The following GLRX5 variants were observed in gnomAD, a reference collection of about 807,000 sequenced individuals.
GLRX5 encodes glutaredoxin-related protein 5, mitochondrial.
GLRX5 carries 10 observed loss-of-function variants against 13.8 expected under a neutral mutation model. The observed-to-expected ratio is 0.72, with a 90% CI of 0.45 to 1.23. GLRX5 has a LOEUF of 1.23. Among genes scored for constraint, GLRX5 ranks in the 50% most tolerant of loss-of-function variants. The pLI is 0.00. For missense variants in GLRX5, 233 were observed against 215.2 expected, an observed-to-expected ratio of 1.08 and a Z score of -0.52; for synonymous variants, 98 against 101.1, an observed-to-expected ratio of 0.97 and a Z score of 0.18.
At chr14:95,540,334 ACTGTAC>A (rs1351198731) in intron 1 of GLRX5, among the ~76,000 whole-genome samples, 1 of 152,186 alleles carries the variant, frequency 6.6e-6, no homozygotes, top group African/African-American at 2.4e-5. Context: ...GAATGTCCAC[ACTGTAC>A]CTGGTACTAT....
intron 1 of GLRX5, among the ~76,000 whole-genome samples, chr14:95,542,146 G>C (rs1891484065): frequency 6.6e-6 from 1 of 152,232 alleles, no homozygotes; most frequent in African/African-American, 2.4e-5. Flanking sequence ...TTTGAGGACA[G>C]AGTTTGAAGA....
At position 95,535,293 on chromosome 14, in the gene GLRX5, C is replaced by A; in HGVS notation, c.204C>A (p.Gly68=). 6.4e-7 allele frequency: 1 copy of A among 1,564,932 alleles called. No homozygotes were observed. Among genetic ancestry groups the A allele is most frequent in the Non-Finnish European group, 8.7e-7 (1 of 1,155,546 alleles). Residue 68 remains glycine, a synonymous_variant, in exon 1 of 2, where the codon GGC becomes GGA. Transcript: ENST00000331334. ...GGACGCCGGAGCAGCCCCAGTGCGG[C>A]TTCAGCAACGCCGTGGTGCAGATCC... The part of the protein sequence containing the change: ...LKGTPEQPQC[G]FSNAVVQILR...
intron 1 of GLRX5, among the ~76,000 whole-genome samples, chr14:95,538,649 C>T (rs1419824980): frequency 6.6e-6 from 1 of 152,108 alleles, no homozygotes; most frequent in African/African-American, 2.4e-5. Flanking sequence ...GACCCAGCTG[C>T]GTGACTCCTA....
Position 95,535,213 on chromosome 14 carries a change from G to A in GLRX5, c.124G>A (p.Ala42Thr), listed in dbSNP as rs1233807867. Residue 42 changes from alanine to threonine, a missense_variant, in exon 1 of 2, where the codon GCG becomes ACG. Ala to Thr is a moderately conservative substitution (Grantham distance 58, BLOSUM62 0). Transcript: ENST00000331334. ...CTCGGGCGCGGGCGGCGGCGGCTCGGCGGAGCAGTTGGACGCGCTGGTGAA... is the reference window on the plus strand; with the variant it reads ...CTCGGGCGCGGGCGGCGGCGGCTCGACGGAGCAGTTGGACGCGCTGGTGAA... ...AGSGAGGGGS[A>T]EQLDALVKKD... 1 of 1,531,638 alleles carries A rather than the reference G, an allele frequency of 6.5e-7. No homozygotes were observed. The highest frequency in any genetic ancestry group is 1.2e-5 in the South Asian group (1 of 82,258). 94.9% of individuals were successfully genotyped at this position (1,531,638 alleles called of 1,614,324 possible). A position where few individuals can be genotyped will look rare whatever the true frequency, so the allele number is the denominator to read the frequency against.
chr14:95,543,261 A>C, intron 1 of GLRX5: 1 of 450,678 alleles, frequency 2.2e-6, no homozygotes, highest in South Asian at 1.6e-5. Context: ...AGCCCATCAC[A>C]GTGGCTGGAT....
intron 1 of GLRX5, chr14:95,543,733 T>C (rs35968066): frequency 0.025 from 14,201 of 574,196 alleles, 218 homozygotes; most frequent in South Asian, 0.039. Context: ...GTCTGAGGGC[T>C]GACGGTTTGT....
intron 1 of GLRX5, among the ~76,000 whole-genome samples, chr14:95,536,876 G>A (rs1415297005): frequency 1.3e-5 from 2 of 152,150 alleles, no homozygotes; most frequent in Non-Finnish European, 1.5e-5. Flanking sequence ...CGAGAGGGCA[G>A]GTTCAAATTA....
chr14:95,535,527 C>T (rs1891356680), intron 1 of GLRX5, 143 bp downstream of exon 1: 3 of 756,478 alleles, frequency 4.0e-6, no homozygotes, highest in Admixed American at 2.4e-5. Flanking sequence ...CGGGTTAGGG[C>T]GAGGAGTACT....
At position 95,544,314 on chromosome 14, in the gene GLRX5, A is replaced by C. The variant is rs760117003; in HGVS notation, c.*189A>C. On this transcript the variant is annotated 3_prime_UTR_variant, in exon 2 of 2. Transcript: ENST00000331334. ...GCTAAGAATATTTTATTGTGGACTT[A>C]ATTACAACCACTGCACTGTAATGAT... The C allele has an allele frequency of 9.1e-5, 57 of 628,866 alleles. No homozygotes were observed. The highest frequency in any genetic ancestry group is 1.5e-4 in the Non-Finnish European group (54 of 348,934). The allele number at this position is 628,866 out of a possible 1,614,324, so 39.0% of individuals were successfully genotyped here.
chr14:95,541,354 A>G (rs916544950), intron 1 of GLRX5, among the ~76,000 whole-genome samples: 1 of 152,202 alleles, frequency 6.6e-6, no homozygotes, highest in African/African-American at 2.4e-5. Flanking sequence ...ACTCTATAGG[A>G]AGCAATTGGG....
chr14:95,543,420 C>G, intron 1 of GLRX5: 1 of 327,296 alleles, frequency 3.1e-6, no homozygotes, highest in Non-Finnish European at 6.1e-6. Context: ...CAGTCACAGT[C>G]ATGAAAAGTG....
chr14:95,538,865 T>A (rs1053687887), intron 1 of GLRX5, among the ~76,000 whole-genome samples: 2 of 152,258 alleles, frequency 1.3e-5, no homozygotes, highest in African/African-American at 4.8e-5. Flanking sequence ...ACAGCTTTAA[T>A]TACGAAGTAG....
At chr14:95,543,920 T>A in intron 1 of GLRX5, 27 bp from the exon 2 acceptor site, 7 of 1,594,256 alleles carry the variant, frequency 4.4e-6, no homozygotes, top group Non-Finnish European at 6.0e-6. Context: ...ACCATTTAAA[T>A]AACAAATAAA....
intron 1 of GLRX5, among the ~76,000 whole-genome samples, chr14:95,536,920 C>T (rs1024582912): frequency 2.6e-5 from 4 of 152,158 alleles, no homozygotes; most frequent in African/African-American, 9.7e-5. Flanking sequence ...GTGTTATTCT[C>T]ATGACCCTTT....
chr14:95,543,172 C>T (rs1282070802), intron 1 of GLRX5: 1 of 455,940 alleles, frequency 2.2e-6, no homozygotes, highest in Admixed American at 2.3e-5. Flanking sequence ...GGACAGGGAC[C>T]TTGCTGAGCT....
chr14:95,535,060 G>C lies in GLRX5; in HGVS notation c.-30G>C. 1 of 1,327,906 alleles carries C rather than the reference G, an allele frequency of 7.5e-7. No homozygotes were observed. The highest frequency in any genetic ancestry group is 9.7e-7 in the Non-Finnish European group (1 of 1,027,792). The allele number at this position is 1,327,906 out of a possible 1,614,324, so 82.3% of individuals were successfully genotyped here. On this transcript the variant is annotated 5_prime_UTR_variant, in exon 1 of 2. Transcript: ENST00000331334. ...TCTGGGTGGCCAGCTGTGGGCCCGG[G>C]CCGTCGTGGGCTCCGGCTTGCGTGC...
chr14:95,540,784 A>G (rs769702274), intron 1 of GLRX5, among the ~76,000 whole-genome samples: 2 of 152,222 alleles, frequency 1.3e-5, no homozygotes, highest in Non-Finnish European at 2.9e-5. Flanking sequence ...AAAGAAAACT[A>G]TGATTATGCT....
chr14:95,535,105 G>C lies in GLRX5; in HGVS notation c.16G>C (p.Gly6Arg), dbSNP rs1168318053. The stretch of plus-strand genomic sequence containing the variant: ...GCGTGCGGAGATGAGCGGGTCCCTC[G>C]GCCGAGCTGCGGCGGCTCTGCTCCG... Reference protein sequence around the residue: MSGSLGRAAAALLRWG... With the variant: MSGSLRRAAAALLRWG... Residue 6 changes from glycine to arginine, a missense_variant, in exon 1 of 2, where the codon GGC becomes CGC. Transcript: ENST00000331334. 4 of 1,314,692 alleles carry C rather than the reference G, an allele frequency of 3.0e-6. No homozygotes were observed. The East Asian group carries it at 1.2e-4, about 40-fold the overall frequency. The allele number at this position is 1,314,692 out of a possible 1,614,324, so 81.4% of individuals were successfully genotyped here.
chr14:95,535,158 C>G lies in GLRX5; in HGVS notation c.69C>G (p.Gly23=), dbSNP rs1891337960. ...LRWGRGAGGG[G]LWGPGVRAAG... The stretch of plus-strand genomic sequence containing the variant: ...GGGGGCGCGGCGCGGGCGGCGGTGG[C>G]CTTTGGGGTCCGGGCGTGCGGGCGG... The change falls in exon 1 of 2, where the codon GGC becomes GGG. Residue 23 remains glycine, a synonymous_variant. Transcript: ENST00000331334. The G allele has an allele frequency of 2.1e-6, 3 of 1,397,046 alleles. No individual in the cohort carries two copies. The South Asian group carries it at 4.6e-5, about 21-fold the overall frequency. The allele number at this position is 1,397,046 out of a possible 1,614,324, so 86.5% of individuals were successfully genotyped here.
Sources: gnomAD v4.1 joint callset for allele counts (sites outside exome capture counted in the v4.1 genomes callset) on GRCh38, gnomAD v4.1.1 for gene constraint, MANE v1.5 for transcripts, NCBI Gene and HGNC (gene_info 2026-07-23, HGNC 2026-07-21) for gene names.